PRKN: variants seen among roughly 807,000 people sequenced by gnomAD.
The protein encoded by PRKN is parkin RBR E3 ubiquitin protein ligase.
A neutral mutation model predicts 59.5 loss-of-function variants in PRKN; 56 were observed. The ratio of observed to expected loss-of-function variants is 0.94; its 90% CI spans 0.76 to 1.18. PRKN has a LOEUF of 1.18. PRKN is among the 50% of genes most tolerant of loss of function. The probability of loss-of-function intolerance (pLI) is 0.00; values close to 1 mark genes in which losing one functional copy is unlikely to be tolerated. For synonymous variants in PRKN, 250 were observed against 222.1 expected, an observed-to-expected ratio of 1.13 and a Z score of -1.12; for missense variants, 657 against 596.4, an observed-to-expected ratio of 1.10 and a Z score of -1.06.
At chr6:161,513,839 G>C (rs1164985950) in intron 9 of PRKN, among the ~76,000 whole-genome samples, 1 of 152,054 alleles carries the variant, frequency 6.6e-6, no homozygotes, top group East Asian at 1.9e-4. Flanking sequence ...GGGCTATCTT[G>C]GGGAAATTAT....
intron 6 of PRKN, among the ~76,000 whole-genome samples, chr6:161,960,133 C>T (rs151099280): frequency 4.6e-5 from 7 of 152,292 alleles, no homozygotes; most frequent in South Asian, 2.1e-4. Flanking sequence ...CTTGGCTCCC[C>T]GCTTTGGTGC....
At chr6:161,769,487 G>C (rs1476517173) in intron 7 of PRKN, among the ~76,000 whole-genome samples, 2 of 152,098 alleles carry the variant, frequency 1.3e-5, no homozygotes, top group African/African-American at 4.8e-5. Context: ...TGGAAGCTGG[G>C]CTCCCAGTAC....
At chr6:161,891,317 A>T (rs1417177715) in intron 6 of PRKN, among the ~76,000 whole-genome samples, 3 of 152,208 alleles carry the variant, frequency 2.0e-5, no homozygotes, top group African/African-American at 4.8e-5. Context: ...TGCTGTTCAA[A>T]ACAATCTTAC....
At chr6:162,378,429 A>G (rs775573268) in intron 2 of PRKN, among the ~76,000 whole-genome samples, 1 of 152,242 alleles carries the variant, frequency 6.6e-6, no homozygotes, top group Non-Finnish European at 1.5e-5. Context: ...GTTTTCAATG[A>G]GGTGGGCCCC....
At chr6:162,075,964 C>CTT (rs201642343) in intron 4 of PRKN, among the ~76,000 whole-genome samples, 2,096 of 132,600 alleles carry the variant, frequency 0.016, 97 homozygotes, top group African/African-American at 0.051. Flanking sequence ...GAAAGGCTTG[C>CTT]TTTTTTTTTT....
intron 1 of PRKN, among the ~76,000 whole-genome samples, chr6:162,457,982 G>A (rs553055741): frequency 6.6e-6 from 1 of 152,010 alleles, no homozygotes; most frequent in South Asian, 2.1e-4. Flanking sequence ...TAGGCTGGGT[G>A]CAGTGGCTCG....
At position 161,874,939 on chromosome 6, in the gene PRKN, ATATAT is replaced by A. The variant is rs1312104803; in HGVS notation, c.735-89036_735-89032del. Among the ~76,000 whole-genome samples the A allele has an allele frequency of 8.2e-4, 70 of 84,990 alleles. 4 individuals carry two copies. Among genetic ancestry groups the A allele is most frequent in the African/African-American group, 4.3e-3 (67 of 15,488 alleles). The allele number at this position is 84,990 out of a possible 152,430, so 55.8% of individuals were successfully genotyped here. On this transcript the variant is annotated intron_variant, in intron 6 of 11. Transcript: ENST00000366898. ...AATATAAAATATAAAATATAATATA[ATATAT>A]TATAGGTACTTTATATATAATATAT... is the stretch of plus-strand genomic sequence containing the variant.
At chr6:162,084,244 C>T (rs975578899) in intron 4 of PRKN, among the ~76,000 whole-genome samples, 1 of 152,028 alleles carries the variant, frequency 6.6e-6, no homozygotes, top group Non-Finnish European at 1.5e-5. Flanking sequence ...TACTTTTGCA[C>T]CAAACCAATG....
chr6:162,661,579 A>G (rs1337928145), intron 1 of PRKN, among the ~76,000 whole-genome samples: 1 of 152,174 alleles, frequency 6.6e-6, no homozygotes, highest in East Asian at 1.9e-4. Context: ...CTTTACTAGA[A>G]GTAACCAAAC....
At chr6:162,317,582 A>C (rs897502775) in intron 2 of PRKN, among the ~76,000 whole-genome samples, 4 of 152,120 alleles carry the variant, frequency 2.6e-5, no homozygotes, top group African/African-American at 7.2e-5. Context: ...TGTCTTGGGA[A>C]CAGATGTATC....
chr6:161,434,015 T>TA (rs34213676), intron 9 of PRKN, among the ~76,000 whole-genome samples: 81,173 of 150,880 alleles, frequency 0.54, 22,258 homozygotes, highest in East Asian at 0.84. Flanking sequence ...GAAACTCCAT[T>TA]AAAAAAAAAT....
At position 162,145,667 on chromosome 6, in the gene PRKN, G is replaced by A. The variant is rs1781992554; in HGVS notation, c.534+55464C>T. ...GGGCCCCAGATAACAGAATCTTTTTGGGTCCAAATACCCCCAGAGGTTTCC... is the reference window on the plus strand; with the variant it reads ...GGGCCCCAGATAACAGAATCTTTTTAGGTCCAAATACCCCCAGAGGTTTCC... On this transcript the variant is annotated intron_variant, in intron 4 of 11. Transcript: ENST00000366898. Among the ~76,000 whole-genome samples the A allele has an allele frequency of 2.6e-5, 4 of 152,200 alleles. No individual in the cohort carries two copies. The South Asian group carries it at 6.2e-4, about 24-fold the overall frequency.
At chr6:162,157,796 TA>T (rs1782579076) in intron 4 of PRKN, among the ~76,000 whole-genome samples, 1 of 152,040 alleles carries the variant, frequency 6.6e-6, no homozygotes, top group African/African-American at 2.4e-5. Flanking sequence ...TCCCTCCAAC[TA>T]CAGCCAAGTT....
chr6:162,082,621 G>T (rs1779101133), intron 4 of PRKN, among the ~76,000 whole-genome samples: 1 of 152,002 alleles, frequency 6.6e-6, no homozygotes, highest in Non-Finnish European at 1.5e-5. Flanking sequence ...CCTAGCATTT[G>T]GTCTATATTG....
intron 2 of PRKN, among the ~76,000 whole-genome samples, chr6:162,401,764 C>T (rs1659782903): frequency 1.3e-5 from 2 of 152,060 alleles, no homozygotes. Context: ...AGGGAAAGAA[C>T]TTTGCACAAT....
chr6:161,480,126 G>A lies in PRKN; in HGVS notation c.1083+68728C>T, dbSNP rs935106886. Among the ~76,000 whole-genome samples, 8 of 152,212 alleles carry A rather than the reference G, an allele frequency of 5.3e-5. No individual in the cohort carries two copies. The highest frequency in any genetic ancestry group is 1.9e-4 in the African/African-American group (8 of 41,454). On this transcript the variant is annotated intron_variant, in intron 9 of 11. Coordinates refer to ENST00000366898, the MANE Select transcript of PRKN (RefSeq NM_004562.3). The surrounding 1 kb of genome is among the most constrained non-coding windows in gnomAD (Gnocchi z 4.1). ...TAGCATGAGCGAGAAATGAACTTTT[G>A]TTGGGTGAAGCCACTGAGATTTTGG...
Position 161,864,364 on chromosome 6 carries a change from C to T in PRKN, c.735-78456G>A, listed in dbSNP as rs373724848. ...ACTTTCTTTGTTCACCCATAAGATG[C>T]GATTCCTCACCTGTTCAAGTTTGAT... On this transcript the variant is annotated intron_variant, in intron 6 of 11. Transcript: ENST00000366898. Among the ~76,000 whole-genome samples, 22 of 152,274 alleles carry T rather than the reference C, an allele frequency of 1.4e-4. 1 individual carries two copies. In the East Asian group the frequency reaches 1.5e-3, roughly 11 times the overall value.
chr6:162,532,082 G>A (rs34693799), intron 1 of PRKN, among the ~76,000 whole-genome samples: 53,213 of 150,110 alleles, frequency 0.35, 11,128 homozygotes, highest in Middle Eastern at 0.52. Flanking sequence ...TTGGCCTACA[G>A]CAAAATATAT....
At chr6:162,303,123 T>C (rs528788539) in intron 2 of PRKN, among the ~76,000 whole-genome samples, 19 of 146,558 alleles carry the variant, frequency 1.3e-4, no homozygotes, top group African/African-American at 4.1e-4. Flanking sequence ...TGTTCTGCTA[T>C]GGTGTAAAAA....
Sources: allele counts gnomAD v4.1 joint callset (sites outside exome capture counted in the v4.1 genomes callset), GRCh38; gene constraint gnomAD v4.1.1; non-coding constraint Gnocchi (gnomAD v3.1); transcripts MANE v1.5; gene names NCBI Gene and HGNC (gene_info 2026-07-23, HGNC 2026-07-21).